Variants in MAPRE2 observed in about 807,000 individuals in gnomAD.
MAPRE2 encodes the protein microtubule associated protein RP/EB family member 2.
Under a neutral mutation model 43.2 loss-of-function variants are expected in MAPRE2, and 13 were observed. That is an observed-to-expected ratio of 0.30 (90% CI 0.20 to 0.48). The LOEUF is 0.48. Ranked by LOEUF, MAPRE2 falls within the 20% of genes least tolerant of loss-of-function variation. MAPRE2 has a pLI of 0.99. For synonymous variants in MAPRE2, 135 were observed against 148.8 expected, an observed-to-expected ratio of 0.91 and a Z score of 0.68; for missense variants, 161 against 400.2, an observed-to-expected ratio of 0.40 and a Z score of 5.10.
At chr18:34,997,192 T>C (rs540463928) in intron 1 of MAPRE2, among the ~76,000 whole-genome samples, 56 of 152,330 alleles carry the variant, frequency 3.7e-4, no homozygotes, top group African/African-American at 1.3e-3. Context: ...TTTGCTCCAA[T>C]GGATTACAGC....
intron 4 of MAPRE2, among the ~76,000 whole-genome samples, chr18:35,102,431 A>G (rs1370386493): frequency 1.3e-5 from 2 of 152,192 alleles, no homozygotes; most frequent in African/African-American, 2.4e-5. Flanking sequence ...CCCAGGATAG[A>G]TTTCTTTTTC....
At chr18:35,077,746 A>G (rs1294740238) in intron 2 of MAPRE2, among the ~76,000 whole-genome samples, 1 of 152,180 alleles carries the variant, frequency 6.6e-6, no homozygotes, top group East Asian at 1.9e-4. Context: ...CATAATTCTA[A>G]TTACAGAAAC....
At chr18:35,095,445 C>G (rs1908372448) in intron 2 of MAPRE2, among the ~76,000 whole-genome samples, 1 of 150,580 alleles carries the variant, frequency 6.6e-6, no homozygotes, top group Admixed American at 6.7e-5. Context: ...ATGGCATATA[C>G]CAGAATATTT....
intron 1 of MAPRE2, among the ~76,000 whole-genome samples, chr18:35,069,475 G>T (rs904043806): frequency 3.3e-5 from 5 of 152,024 alleles, no homozygotes; most frequent in Admixed American, 1.3e-4. Flanking sequence ...ATCTGGCTTG[G>T]TAGGCTAGGA....
chr18:34,980,883 G>A (rs2150568845), intron 1 of MAPRE2, among the ~76,000 whole-genome samples: 1 of 152,090 alleles, frequency 6.6e-6, no homozygotes, highest in South Asian at 2.1e-4. Flanking sequence ...CCTGTGTATT[G>A]CCCATTAAAA....
At chr18:35,076,316 CTG>C (rs1256768831) in intron 2 of MAPRE2, among the ~76,000 whole-genome samples, 1 of 152,182 alleles carries the variant, frequency 6.6e-6, no homozygotes, top group Non-Finnish European at 1.5e-5. Context: ...AGAGACCACA[CTG>C]TGGTAAGTGC....
At chr18:35,004,483 C>A (rs935671887) in intron 1 of MAPRE2, among the ~76,000 whole-genome samples, 2 of 152,194 alleles carry the variant, frequency 1.3e-5, no homozygotes, top group African/African-American at 2.4e-5. Flanking sequence ...CCGTTCATCC[C>A]CCAAACACTT....
intron 2 of MAPRE2, among the ~76,000 whole-genome samples, chr18:35,088,600 A>C (rs1473843835): frequency 6.6e-6 from 1 of 152,190 alleles, no homozygotes; most frequent in Non-Finnish European, 1.5e-5. Flanking sequence ...CATTATTGCA[A>C]GGGTAGTTAA....
chr18:35,138,802 G>C (rs962368220), intron 6 of MAPRE2, among the ~76,000 whole-genome samples: 1 of 152,152 alleles, frequency 6.6e-6, no homozygotes, highest in Non-Finnish European at 1.5e-5. Context: ...CACACGGCCT[G>C]TAAATAACAG....
intron 3 of MAPRE2, among the ~76,000 whole-genome samples, chr18:35,097,874 T>G (rs568423120): frequency 5.3e-4 from 80 of 152,234 alleles, no homozygotes; most frequent in Non-Finnish European, 7.5e-4. Context: ...AAACTTTTAA[T>G]GTTTGCCAGA....
At chr18:35,017,249 T>C (rs199567902) in intron 2 of MAPRE2, among the ~76,000 whole-genome samples, 1 of 30,524 alleles carries the variant, frequency 3.3e-5, no homozygotes. Flanking sequence ...TTGTTGTTTT[T>C]TTTTTTTTTT....
At chr18:35,009,086 C>A (rs574298542) in intron 2 of MAPRE2, among the ~76,000 whole-genome samples, 25 of 152,170 alleles carry the variant, frequency 1.6e-4, no homozygotes, top group African/African-American at 6.0e-4. Context: ...TAGCTTCTAT[C>A]TCAGAGCATT....
intron 1 of MAPRE2, chr18:34,988,466 C>T (rs930218355): frequency 1.3e-5 from 2 of 152,174 alleles, no homozygotes; most frequent in African/African-American, 2.4e-5. Context: ...TGAGTTTTTT[C>T]ATCTGTCAAA....
chr18:35,127,072 A>G lies in MAPRE2; in HGVS notation c.735A>G (p.Ile245Met). ...KSDKDLETQVIQLNEQVHSLK... is the reference protein window; with the variant it reads ...KSDKDLETQVMQLNEQVHSLK... ...ATAAAGATTTAGAAACGCAGGTCATACAGCTTAATGAACAGGTAATGCATC... is the reference window on the plus strand; with the variant it reads ...ATAAAGATTTAGAAACGCAGGTCATGCAGCTTAATGAACAGGTAATGCATC... Residue 245 changes from isoleucine (I) to methionine (M), a missense_variant, in exon 5 of 7, where the codon ATA (isoleucine) becomes ATG (methionine). Physicochemically the swap from Ile to Met is conservative, Grantham distance 10. Around this residue, in one of 2 missense-constraint regions of MAPRE2, gnomAD observed 96 missense variants for 153.3 expected, o/e 0.63. Transcript: ENST00000300249. 1 of 1,614,156 alleles carries G rather than the reference A, an allele frequency of 6.2e-7. No homozygotes were observed. Among genetic ancestry groups the G allele is most frequent in the Non-Finnish European group, 8.5e-7 (1 of 1,180,012 alleles).
intron 1 of MAPRE2, among the ~76,000 whole-genome samples, chr18:35,049,626 A>G (rs1338222189): frequency 6.6e-6 from 1 of 152,034 alleles, no homozygotes; most frequent in Admixed American, 6.6e-5. Flanking sequence ...AGGTTCCCAC[A>G]CCTGACCCCA....
chr18:34,987,313 T>A (rs1258037010), intron 1 of MAPRE2, among the ~76,000 whole-genome samples: 3 of 152,176 alleles, frequency 2.0e-5, no homozygotes, highest in Non-Finnish European at 2.9e-5. Context: ...GCTACCTAGA[T>A]GAGGCATCAG....
At chr18:35,061,570 C>T (rs1179580514) in intron 1 of MAPRE2, among the ~76,000 whole-genome samples, 2 of 152,136 alleles carry the variant, frequency 1.3e-5, no homozygotes, top group East Asian at 3.9e-4. Context: ...AAATAAAATA[C>T]GTGCAGGTCT....
chr18:35,057,294 C>T (rs1026927870), intron 1 of MAPRE2, among the ~76,000 whole-genome samples: 21 of 152,210 alleles, frequency 1.4e-4, no homozygotes, highest in African/African-American at 4.8e-4. Context: ...GTATTACAGG[C>T]ATGAGCCACC....
intron 1 of MAPRE2, among the ~76,000 whole-genome samples, chr18:35,065,628 A>G (rs1906799445): frequency 6.6e-6 from 1 of 151,816 alleles, no homozygotes; most frequent in Non-Finnish European, 1.5e-5. Flanking sequence ...ATCTCAACTC[A>G]CTGCAACCTC....
Sources: allele counts gnomAD v4.1 joint callset (sites outside exome capture counted in the v4.1 genomes callset), GRCh38; gene constraint gnomAD v4.1.1; regional missense constraint gnomAD v4.1.1; transcripts MANE v1.5; gene names NCBI Gene and HGNC (gene_info 2026-07-23, HGNC 2026-07-21).